MGAT4C: variants seen among roughly 807,000 people sequenced by gnomAD.
MGAT4C encodes alpha-1,3-mannosyl-glycoprotein 4-beta-N-acetylglucosaminyltransferase C.
MGAT4C carries 19 observed loss-of-function variants against 40.1 expected under a neutral mutation model. That is an observed-to-expected ratio of 0.47 (90% CI 0.33 to 0.70). MGAT4C has a LOEUF of 0.70. MGAT4C is among the 30% of genes least tolerant of loss of function. The pLI is 0.02. For synonymous variants in MGAT4C, 181 were observed against 187.1 expected (o/e 0.97, Z 0.27); for missense variants, 491 against 563.2 (o/e 0.87, Z 1.30).
intron 1 of MGAT4C, among the ~76,000 whole-genome samples, chr12:86,187,632 A>C (rs1463327136): frequency 6.6e-6 from 1 of 151,894 alleles, no homozygotes; most frequent in Non-Finnish European, 1.5e-5. Flanking sequence ...TATAGTGACT[A>C]GTTCATTGTT....
intron 3 of MGAT4C, among the ~76,000 whole-genome samples, chr12:86,350,081 G>C (rs1470679462): frequency 6.6e-6 from 1 of 151,976 alleles, no homozygotes; most frequent in Non-Finnish European, 1.5e-5. Flanking sequence ...TCAAGAATTT[G>C]GCAAATTCTT....
chr12:86,547,737 G>A (rs1372447758), intron 2 of MGAT4C, among the ~76,000 whole-genome samples: 1 of 152,038 alleles, frequency 6.6e-6, no homozygotes, highest in Admixed American at 6.6e-5. Flanking sequence ...TAAATCATTG[G>A]GTCAAAACAT....
At chr12:86,330,974 A>C (rs755090502) in intron 4 of MGAT4C, among the ~76,000 whole-genome samples, 1 of 152,190 alleles carries the variant, frequency 6.6e-6, no homozygotes, top group Non-Finnish European at 1.5e-5. Flanking sequence ...ATATGTTAGC[A>C]GTGGTGAATC....
chr12:86,646,711 T>C (rs1963551582), intron 2 of MGAT4C, among the ~76,000 whole-genome samples: 1 of 151,972 alleles, frequency 6.6e-6, no homozygotes, highest in Non-Finnish European at 1.5e-5. Context: ...AATGGTTACA[T>C]GTTTCTCTCA....
At chr12:86,596,684 G>T (rs1476009498) in intron 2 of MGAT4C, among the ~76,000 whole-genome samples, 2 of 152,090 alleles carry the variant, frequency 1.3e-5, no homozygotes, top group Non-Finnish European at 2.9e-5. Flanking sequence ...TAAGTCCCTT[G>T]GCTATATGGG....
intron 4 of MGAT4C, among the ~76,000 whole-genome samples, chr12:86,294,363 CT>C (rs35353980): frequency 0.66 from 98,468 of 149,728 alleles, 32,614 homozygotes; most frequent in South Asian, 0.77. Flanking sequence ...ACTAAAACTC[CT>C]TTTTTTTTTT....
chr12:85,980,536 G>A (rs1051224249), intron 4 of MGAT4C, 106 bp from the exon 5 acceptor site: 39 of 938,886 alleles, frequency 4.2e-5, no homozygotes, highest in Middle Eastern at 6.7e-4. Flanking sequence ...TACATATTAA[G>A]TAAATCTAGT....
chr12:86,270,988 C>A (rs1309880491), intron 4 of MGAT4C, among the ~76,000 whole-genome samples: 1 of 152,106 alleles, frequency 6.6e-6, no homozygotes, highest in South Asian at 2.1e-4. Flanking sequence ...AACTGGAATT[C>A]TATCTTCCAC....
intron 1 of MGAT4C, among the ~76,000 whole-genome samples, chr12:86,755,573 C>CT (rs371311124): frequency 1.1e-4 from 16 of 149,940 alleles, no homozygotes; most frequent in Admixed American, 2.7e-4. Context: ...TTCTTTCTTT[C>CT]TTTTTTTTTC....
chr12:86,690,214 C>G (rs371810162), intron 2 of MGAT4C, among the ~76,000 whole-genome samples: 1 of 152,144 alleles, frequency 6.6e-6, no homozygotes, highest in Non-Finnish European at 1.5e-5. Flanking sequence ...GTGCTGGCAG[C>G]GGGAATTTCA....
chr12:86,264,308 T>C (rs776850453), intron 4 of MGAT4C, among the ~76,000 whole-genome samples: 1 of 152,156 alleles, frequency 6.6e-6, no homozygotes, highest in Non-Finnish European at 1.5e-5. Context: ...TAGCTTCAAG[T>C]CTTATGTTTA....
chr12:86,349,554 T>A (rs1248056569), intron 3 of MGAT4C, among the ~76,000 whole-genome samples: 1 of 152,168 alleles, frequency 6.6e-6, no homozygotes, highest in African/African-American at 2.4e-5. Flanking sequence ...GTTTTTCTTT[T>A]CTTTGTACCA....
At chr12:86,551,164 C>T (rs1479277401) in intron 2 of MGAT4C, among the ~76,000 whole-genome samples, 1 of 152,228 alleles carries the variant, frequency 6.6e-6, no homozygotes, top group Non-Finnish European at 1.5e-5. Context: ...GCCCCCAGGC[C>T]AGCCAAATAG....
chr12:86,047,240 T>C (rs556270911), intron 2 of MGAT4C, among the ~76,000 whole-genome samples: 1 of 152,256 alleles, frequency 6.6e-6, no homozygotes, highest in Admixed American at 6.5e-5. Flanking sequence ...TTCGTGACTG[T>C]CCGCAAAATG....
chr12:86,671,058 A>G (rs1464951609), intron 2 of MGAT4C, among the ~76,000 whole-genome samples: 3 of 152,182 alleles, frequency 2.0e-5, no homozygotes, highest in Admixed American at 1.3e-4. Context: ...GTCATTCTCA[A>G]TTGCTGAAAA....
intron 1 of MGAT4C, among the ~76,000 whole-genome samples, chr12:86,806,243 G>T (rs545170424): frequency 2.0e-5 from 3 of 151,448 alleles, no homozygotes; most frequent in Non-Finnish European, 4.4e-5. Context: ...TCTTTTATTA[G>T]AATTTTTATC....
At chr12:86,265,147 G>A (rs1952754602) in intron 4 of MGAT4C, among the ~76,000 whole-genome samples, 1 of 151,564 alleles carries the variant, frequency 6.6e-6, no homozygotes, top group South Asian at 2.1e-4. Context: ...GCAGTGGCCA[G>A]ACCCCACCTC....
chr12:86,248,865 G>T (rs1952151605), intron 1 of MGAT4C, among the ~76,000 whole-genome samples: 1 of 152,032 alleles, frequency 6.6e-6, no homozygotes, highest in African/African-American at 2.4e-5. Context: ...CTAAGAGACA[G>T]CTGTGAAACT....
At chr12:86,566,383 C>G (rs1026645168) in intron 2 of MGAT4C, among the ~76,000 whole-genome samples, 2 of 151,152 alleles carry the variant, frequency 1.3e-5, no homozygotes, top group Non-Finnish European at 2.9e-5. Context: ...ACATCTTTCT[C>G]CCGTGGTGGA....
Sources: gnomAD v4.1 joint callset for allele counts (sites outside exome capture counted in the v4.1 genomes callset) on GRCh38, gnomAD v4.1.1 for gene constraint, MANE v1.5 for transcripts, NCBI Gene and HGNC (gene_info 2026-07-23, HGNC 2026-07-21) for gene names.